Variants in HCN1 observed in about 807,000 individuals in gnomAD.
HCN1 encodes the protein hyperpolarization activated cyclic nucleotide gated potassium channel 1, also known as potassium/sodium hyperpolarization-activated cyclic nucleotide-gated channel 1.
HCN1 carries 13 observed loss-of-function variants against 78.9 expected under a neutral mutation model. The ratio of observed to expected loss-of-function variants is 0.16; its 90% CI spans 0.11 to 0.26. HCN1 has a LOEUF of 0.26. Ranked by LOEUF, HCN1 falls within the 10% of genes least tolerant of loss-of-function variation. HCN1 has a pLI of 1.00. For synonymous variants in HCN1, 552 were observed against 455.5 expected, an observed-to-expected ratio of 1.21 and a Z score of -2.70; for missense variants, 810 against 1,154.3, an observed-to-expected ratio of 0.70 and a Z score of 4.32.
chr5:45,446,086 C>T (rs1471814161), intron 3 of HCN1, among the ~76,000 whole-genome samples: 1 of 152,160 alleles, frequency 6.6e-6, no homozygotes, highest in Non-Finnish European at 1.5e-5. Flanking sequence ...GATCAAACTA[C>T]TCTGAGCTAC....
chr5:45,417,067 G>GT (rs2112062625), intron 3 of HCN1, among the ~76,000 whole-genome samples: 1 of 152,008 alleles, frequency 6.6e-6, no homozygotes, highest in African/African-American at 2.4e-5. Context: ...TTGAAATTAC[G>GT]TAAAACTCAA....
At chr5:45,682,363 C>T (rs529705778) in intron 1 of HCN1, among the ~76,000 whole-genome samples, 2 of 149,588 alleles carry the variant, frequency 1.3e-5, no homozygotes, top group African/African-American at 4.9e-5. Context: ...TAGAAATATG[C>T]ATTTATTTAA....
At chr5:45,379,787 C>G (rs1296542304) in intron 4 of HCN1, among the ~76,000 whole-genome samples, 4 of 151,730 alleles carry the variant, frequency 2.6e-5, no homozygotes, top group Non-Finnish European at 4.4e-5. Flanking sequence ...CTACTTGATA[C>G]AGAAAGAAAA....
At chr5:45,636,522 G>T (rs1042865706) in intron 2 of HCN1, among the ~76,000 whole-genome samples, 1 of 152,140 alleles carries the variant, frequency 6.6e-6, no homozygotes, top group Non-Finnish European at 1.5e-5. Flanking sequence ...TGCTGCTTCA[G>T]TTCTTCAGTT....
intron 1 of HCN1, among the ~76,000 whole-genome samples, chr5:45,678,295 T>C (rs1739633900): frequency 6.6e-6 from 1 of 151,940 alleles, no homozygotes; most frequent in Non-Finnish European, 1.5e-5. Context: ...CTTGGGCATC[T>C]GCCATCTGAA....
At chr5:45,457,856 A>G (rs2111615836) in intron 3 of HCN1, among the ~76,000 whole-genome samples, 1 of 152,242 alleles carries the variant, frequency 6.6e-6, no homozygotes, top group African/African-American at 2.4e-5. Flanking sequence ...TAACCTGTTC[A>G]TGAGGTCAGT....
At chr5:45,551,569 A>T (rs1730653690) in intron 2 of HCN1, among the ~76,000 whole-genome samples, 1 of 152,004 alleles carries the variant, frequency 6.6e-6, no homozygotes, top group African/African-American at 2.4e-5. Flanking sequence ...TTTTCAAAAA[A>T]GAAGGTAAAA....
At chr5:45,380,029 T>C (rs1414047642) in intron 4 of HCN1, among the ~76,000 whole-genome samples, 1 of 151,998 alleles carries the variant, frequency 6.6e-6, no homozygotes. Flanking sequence ...GTTTGAAGAG[T>C]TAGGATCCAT....
chr5:45,420,165 A>G (rs1438812522), intron 3 of HCN1, among the ~76,000 whole-genome samples: 6 of 152,200 alleles, frequency 3.9e-5, no homozygotes, highest in African/African-American at 1.4e-4. Flanking sequence ...TTAAAAATTT[A>G]TATTTCTATG....
At chr5:45,331,981 G>A (rs959492663) in intron 5 of HCN1, among the ~76,000 whole-genome samples, 1 of 151,454 alleles carries the variant, frequency 6.6e-6, no homozygotes, top group Non-Finnish European at 1.5e-5. Flanking sequence ...AGCTATATAA[G>A]TCAACTGGGG....
chr5:45,455,736 A>C lies in HCN1; in HGVS notation c.1011+6110T>G, dbSNP rs1741015771. 2.0e-5 allele frequency among the ~76,000 whole-genome samples: 3 copies of C among 148,474 alleles called. No homozygotes were observed. The South Asian group carries it at 6.4e-4, about 32-fold the overall frequency. On this transcript the variant is annotated intron_variant, in intron 3 of 7. Coordinates refer to ENST00000303230, the MANE Select transcript of HCN1 (RefSeq NM_021072.4). ...ATAGGCTATGTTATGTGTGAGCTTC[A>C]AATTAAGACATGCTTCTGGAACTCA...
intron 4 of HCN1, among the ~76,000 whole-genome samples, chr5:45,377,664 A>G (rs1747712071): frequency 6.6e-6 from 1 of 151,952 alleles, no homozygotes; most frequent in African/African-American, 2.4e-5. Context: ...CTATCTCCCT[A>G]AGACTCAGCA....
intron 2 of HCN1, among the ~76,000 whole-genome samples, chr5:45,593,878 G>A (rs1359804395): frequency 6.6e-6 from 1 of 152,062 alleles, no homozygotes; most frequent in Admixed American, 6.6e-5. Flanking sequence ...GTTTCACCAT[G>A]TTGGTCAGGC....
At chr5:45,308,636 AT>A (rs1487697106) in intron 5 of HCN1, among the ~76,000 whole-genome samples, 1 of 152,066 alleles carries the variant, frequency 6.6e-6, no homozygotes, top group Non-Finnish European at 1.5e-5. Flanking sequence ...TATATCATGC[AT>A]TTTCAATTTC....
At position 45,396,582 on chromosome 5, in the gene HCN1, G is replaced by A. The variant is rs756675765; in HGVS notation, c.1140C>T (p.Ile380=). ...ACATGGCATAGCAGGTGGCCCCGAC[G>A]ATCATGCTCAGCATGGTAATCCAGA... ...SDLWITMLSM[I]VGATCYAMFV... is the part of the protein sequence containing the mutation. Residue 380 remains isoleucine (I), a synonymous_variant, in exon 4 of 8, where the codon ATC becomes ATT. Coordinates refer to ENST00000303230, the MANE Select transcript of HCN1 (RefSeq NM_021072.4). 8.1e-6 allele frequency: 13 copies of A among 1,613,722 alleles called. No individual in the cohort carries two copies. The East Asian group carries it at 8.9e-5, about 11-fold the overall frequency.
In HCN1 at chr5:45,324,838, T is replaced by A. The variant is rs193114956; in HGVS notation, c.1378-20999A>T. On this transcript the variant is annotated intron_variant, in intron 5 of 7. Transcript: ENST00000303230. Reference sequence around the variant, plus strand: ...ACTACACGAAATTTGTGAAAAAAAATTTTTTAAAGTTAAAATAAGAATCAA... The same window carrying A: ...ACTACACGAAATTTGTGAAAAAAAAATTTTTAAAGTTAAAATAAGAATCAA... Among the ~76,000 whole-genome samples the A allele has an allele frequency of 9.3e-4, 141 of 151,698 alleles. 1 individual carries two copies. In the East Asian group the frequency reaches 0.012, roughly 13 times the overall value.
chr5:45,304,246 T>C (rs894810465), intron 5 of HCN1, among the ~76,000 whole-genome samples: 2 of 152,002 alleles, frequency 1.3e-5, no homozygotes, highest in Non-Finnish European at 2.9e-5. Context: ...CCATTCCTGC[T>C]TCTGTGCTCC....
At position 45,669,744 on chromosome 5, in the gene HCN1, G is replaced by A. The variant is rs374156537; in HGVS notation, c.426-24136C>T. Among the ~76,000 whole-genome samples the A allele has an allele frequency of 1.1e-4, 17 of 151,840 alleles. 1 individual carries two copies. The highest frequency in any genetic ancestry group is 3.9e-4 in the African/African-American group (16 of 41,506). ...GCAAAGATAGGTTAGCATTATGAAA[G>A]CAATGGTAATGAGGTTGTACTGAAG... On this transcript the variant is annotated intron_variant, in intron 1 of 7. Transcript: ENST00000303230.
intron 1 of HCN1, among the ~76,000 whole-genome samples, chr5:45,686,831 T>TG (rs1447586428): frequency 1.3e-5 from 2 of 152,180 alleles, no homozygotes; most frequent in African/African-American, 4.8e-5. Flanking sequence ...CAGTCTGGAC[T>TG]GGTTTCTTTC....
Sources: allele counts gnomAD v4.1 joint callset (sites outside exome capture counted in the v4.1 genomes callset), GRCh38; gene constraint gnomAD v4.1.1; transcripts MANE v1.5; gene names NCBI Gene and HGNC (gene_info 2026-07-23, HGNC 2026-07-21).